Variants in MAGI2 observed in about 807,000 individuals in gnomAD.
The protein encoded by MAGI2 is membrane associated guanylate kinase, WW and PDZ domain containing 2.
Under a neutral mutation model 133.3 loss-of-function variants are expected in MAGI2, and 35 were observed. The observed-to-expected ratio is 0.26, with a 90% CI of 0.20 to 0.35. The LOEUF (loss-of-function observed/expected upper bound fraction) is 0.35. Ranked by LOEUF, MAGI2 falls within the 10% of genes least tolerant of loss-of-function variation. MAGI2 has a pLI of 1.00. For synonymous variants in MAGI2, 729 were observed against 710.6 expected (o/e 1.03, Z -0.41); for missense variants, 1,636 against 1,863.4 (o/e 0.88, Z 2.25).
intron 1 of MAGI2, among the ~76,000 whole-genome samples, chr7:79,208,326 C>T (rs1469986429): frequency 2.0e-5 from 3 of 151,734 alleles, no homozygotes; most frequent in Non-Finnish European, 2.9e-5. Context: ...AATACTCAAA[C>T]AACTCAACAG....
intron 1 of MAGI2, among the ~76,000 whole-genome samples, chr7:79,198,642 C>T (rs1356040647): frequency 6.6e-6 from 1 of 151,988 alleles, no homozygotes; most frequent in African/African-American, 2.4e-5. Flanking sequence ...GTAATCCCAG[C>T]ACTTTGGGAG....
rs538474997 is a variant in MAGI2 at position 79,237,803 on chromosome 7, G to A, written c.301+215217C>T. On this transcript the variant is annotated intron_variant, in intron 1 of 21. Coordinates refer to ENST00000354212, the MANE Select transcript of MAGI2 (RefSeq NM_012301.4). ...CAATGTATTTAAATATTCCTCTGCT[G>A]TTGGGCTTTTGGCACTTTCTAATTT... Among the ~76,000 whole-genome samples, 5 of 152,294 alleles carry A rather than the reference G, an allele frequency of 3.3e-5. No individual in the cohort carries two copies. In the South Asian group the frequency reaches 6.2e-4, roughly 19 times the overall value.
Position 78,178,075 on chromosome 7 carries a change from T to C in MAGI2, c.2339A>G (p.His780Arg). The change falls in exon 14 of 22, where the codon CAT becomes CGT. Residue 780 changes from histidine (H) to arginine (R), a missense_variant. Physicochemically the swap from His to Arg is conservative, Grantham distance 29 (BLOSUM62 0). Around this residue, in one of 5 missense-constraint regions of MAGI2, gnomAD observed 920 missense variants for 1,093.5 expected, o/e 0.84. Coordinates refer to ENST00000354212, the MANE Select transcript of MAGI2 (RefSeq NM_012301.4). ...AAATCCAGACTCCATCCTCCGAAGA[T>C]GAACATCCAATTCCTTATAATCTGG... is the stretch of plus-strand genomic sequence containing the variant. ...SGPDYKELDV[H>R]LRRMESGFGF... 1 of 1,613,006 alleles carries C rather than the reference T, an allele frequency of 6.2e-7. No homozygotes were observed. The highest frequency in any genetic ancestry group is 1.3e-5 in the African/African-American group (1 of 75,000).
chr7:79,447,002 A>G (rs999393898), intron 1 of MAGI2, among the ~76,000 whole-genome samples: 2 of 152,170 alleles, frequency 1.3e-5, no homozygotes, highest in Non-Finnish European at 2.9e-5. Flanking sequence ...AATGGGATGC[A>G]ATTGAGTTAA....
chr7:78,332,073 T>C (rs967675047), intron 9 of MAGI2, among the ~76,000 whole-genome samples: 8 of 152,158 alleles, frequency 5.3e-5, no homozygotes, highest in Non-Finnish European at 7.4e-5. Context: ...GATACTAAAG[T>C]TCTTAATCCT....
intron 9 of MAGI2, among the ~76,000 whole-genome samples, chr7:78,334,329 T>C (rs1789531952): frequency 6.7e-6 from 1 of 149,956 alleles, no homozygotes; most frequent in Non-Finnish European, 1.5e-5. Flanking sequence ...CTCAGGTTAA[T>C]CCTCACTCTT....
chr7:78,155,689 C>A (rs912675642), intron 16 of MAGI2, among the ~76,000 whole-genome samples: 1 of 152,108 alleles, frequency 6.6e-6, no homozygotes, highest in African/African-American at 2.4e-5. Flanking sequence ...AGATAGAAAG[C>A]TTCTAAGCTT....
At chr7:79,318,905 G>C (rs911992340) in intron 1 of MAGI2, among the ~76,000 whole-genome samples, 2 of 151,978 alleles carry the variant, frequency 1.3e-5, no homozygotes, top group Non-Finnish European at 2.9e-5. Flanking sequence ...AAGAGAGCTG[G>C]GTCATCATCA....
intron 3 of MAGI2, among the ~76,000 whole-genome samples, chr7:78,602,262 C>T (rs1034835302): frequency 6.6e-6 from 1 of 152,170 alleles, no homozygotes; most frequent in East Asian, 1.9e-4. Flanking sequence ...CGGGTTCAAG[C>T]GATTCTCCTA....
intron 11 of MAGI2, among the ~76,000 whole-genome samples, chr7:78,200,594 CAT>C (rs1023510544): frequency 1.3e-5 from 2 of 151,960 alleles, no homozygotes; most frequent in Non-Finnish European, 2.9e-5. Context: ...TATGTATATA[CAT>C]ATATATATAC....
At chr7:78,230,432 T>C (rs1789845623) in intron 10 of MAGI2, among the ~76,000 whole-genome samples, 1 of 152,240 alleles carries the variant, frequency 6.6e-6, no homozygotes, top group South Asian at 2.1e-4. Flanking sequence ...ACCATAGGTG[T>C]ATACAAGTTT....
At chr7:79,036,453 T>G (rs1811137902) in intron 1 of MAGI2, among the ~76,000 whole-genome samples, 1 of 152,146 alleles carries the variant, frequency 6.6e-6, no homozygotes, top group Non-Finnish European at 1.5e-5. Flanking sequence ...AATTAATATA[T>G]TCCATAGAAC....
intron 1 of MAGI2, among the ~76,000 whole-genome samples, chr7:79,360,319 C>T (rs763256918): frequency 3.9e-5 from 6 of 152,018 alleles, no homozygotes; most frequent in Non-Finnish European, 8.8e-5. Flanking sequence ...ACTGCAGCTG[C>T]AAGTTCCTCT....
chr7:79,397,258 A>G (rs1845129222), intron 1 of MAGI2, among the ~76,000 whole-genome samples: 1 of 150,858 alleles, frequency 6.6e-6, no homozygotes, highest in South Asian at 2.1e-4. Context: ...TAAAATTGGC[A>G]TCAGACTTAT....
chr7:78,877,296 C>T (rs923130922), intron 2 of MAGI2, among the ~76,000 whole-genome samples: 15 of 152,264 alleles, frequency 9.9e-5, no homozygotes, highest in African/African-American at 2.6e-4. Flanking sequence ...AGACGTTTGA[C>T]TAGTCTGGTA....
At chr7:78,815,724 G>A (rs937127785) in intron 2 of MAGI2, among the ~76,000 whole-genome samples, 19 of 152,246 alleles carry the variant, frequency 1.2e-4, no homozygotes, top group African/African-American at 3.6e-4. Context: ...GGGGCATCAC[G>A]AATCTTGCTT....
At chr7:78,578,648 G>A (rs575876460) in intron 3 of MAGI2, among the ~76,000 whole-genome samples, 7 of 152,236 alleles carry the variant, frequency 4.6e-5, no homozygotes, top group African/African-American at 1.7e-4. Context: ...GAAAGAGAAA[G>A]GAAGAAGGAG....
At chr7:78,579,947 T>C (rs905761850) in intron 3 of MAGI2, among the ~76,000 whole-genome samples, 6 of 152,190 alleles carry the variant, frequency 3.9e-5, no homozygotes, top group Non-Finnish European at 7.3e-5. Context: ...TGATCTCTAA[T>C]ATCCAGTATT....
Position 78,479,556 on chromosome 7 carries a change from T to C in MAGI2, c.1045+10205A>G, listed in dbSNP as rs79887236. The stretch of plus-strand genomic sequence containing the variant: ...AGAACTAAGCAGACCAAAAATAGCA[T>C]TGGGAAGAGCTCTGCAAGCTAAATG... On this transcript the variant is annotated intron_variant, in intron 6 of 21. Coordinates refer to ENST00000354212, the MANE Select transcript of MAGI2 (RefSeq NM_012301.4). Among the ~76,000 whole-genome samples the C allele has an allele frequency of 8.3e-3, 1,262 of 151,902 alleles. 30 individuals carry two copies. In the East Asian group the frequency reaches 0.091, roughly 11 times the overall value.
Sources: allele counts gnomAD v4.1 joint callset (sites outside exome capture counted in the v4.1 genomes callset), GRCh38; gene constraint gnomAD v4.1.1; regional missense constraint gnomAD v4.1.1; transcripts MANE v1.5; gene names NCBI Gene and HGNC (gene_info 2026-07-23, HGNC 2026-07-21).